The following PITPNM2 variants were observed in gnomAD, a reference collection of about 807,000 sequenced individuals.
The protein encoded by PITPNM2 is membrane-associated phosphatidylinositol transfer protein 2.
PITPNM2 carries 35 observed loss-of-function variants against 132.2 expected under a neutral mutation model. The ratio of observed to expected loss-of-function variants is 0.26; its 90% CI spans 0.20 to 0.35. The LOEUF (loss-of-function observed/expected upper bound fraction) is 0.35, where lower values mean the gene tolerates loss of function less well. Ranked by LOEUF, PITPNM2 falls within the 10% of genes least tolerant of loss-of-function variation. The pLI, the probability that PITPNM2 is intolerant of heterozygous loss-of-function variation, is 1.00. For missense variants in PITPNM2, 1,332 were observed against 1,912.0 expected, an observed-to-expected ratio of 0.70 and a Z score of 5.66; for synonymous variants, 738 against 799.2, an observed-to-expected ratio of 0.92 and a Z score of 1.29.
intron 2 of PITPNM2, among the ~76,000 whole-genome samples, chr12:123,066,355 G>A (rs778771617): frequency 1.3e-4 from 20 of 152,168 alleles, no homozygotes; most frequent in South Asian, 2.1e-4. Flanking sequence ...GTGAGGGGCC[G>A]TCACTGTAGA....
chr12:123,096,389 C>T (rs2042411751), intron 2 of PITPNM2, among the ~76,000 whole-genome samples: 1 of 152,214 alleles, frequency 6.6e-6, no homozygotes. Flanking sequence ...ATTTTATTCA[C>T]GGTGAGTTCC....
At position 123,095,575 on chromosome 12, in the gene PITPNM2, G is replaced by A. The variant is rs965788209; in HGVS notation, c.-96+14810C>T. On this transcript the variant is annotated intron_variant, in intron 2 of 25. Transcript: ENST00000320201. The surrounding 1 kb of genome is among the most constrained non-coding windows in gnomAD (Gnocchi z 5.0). ...GAAGTGTCTTCCAATACACACATCG[G>A]AGTGTGTCACTTCTCTGAGTAAAGG... Among the ~76,000 whole-genome samples the A allele has an allele frequency of 6.6e-6, 1 of 152,092 alleles. No homozygotes were observed. The highest frequency in any genetic ancestry group is 6.5e-5 in the Admixed American group (1 of 15,268).
chr12:123,150,271 C>A lies in PITPNM2; in HGVS notation c.-200+482G>T, dbSNP rs1203923137. Among the ~76,000 whole-genome samples the A allele has an allele frequency of 6.6e-6, 1 of 151,850 alleles. No homozygotes were observed. Among genetic ancestry groups the A allele is most frequent in the East Asian group, 1.9e-4 (1 of 5,136 alleles). On this transcript the variant is annotated intron_variant, in intron 1 of 25. Transcript: ENST00000320201. The surrounding 1 kb of genome is among the most constrained non-coding windows in gnomAD (Gnocchi z 6.0). Reference sequence around the variant, plus strand: ...GATGGAGACGGGCCACACCCCAACCCTGGGCCCCCGACAAGCAGAGGCCAC... The same window carrying A: ...GATGGAGACGGGCCACACCCCAACCATGGGCCCCCGACAAGCAGAGGCCAC...
chr12:123,140,049 C>G (rs1275406581), intron 1 of PITPNM2, among the ~76,000 whole-genome samples: 1 of 152,168 alleles, frequency 6.6e-6, no homozygotes, highest in Non-Finnish European at 1.5e-5. Context: ...GTCCTGGGAG[C>G]TAAATCAAGA....
intron 2 of PITPNM2, among the ~76,000 whole-genome samples, chr12:123,094,778 T>C (rs902807584): frequency 6.6e-6 from 1 of 151,844 alleles, no homozygotes; most frequent in Non-Finnish European, 1.5e-5. Context: ...GAAGGCCAGG[T>C]TCCCATCTAA....
chr12:123,045,039 G>A (rs1026573971), intron 2 of PITPNM2, among the ~76,000 whole-genome samples: 3 of 152,154 alleles, frequency 2.0e-5, no homozygotes, highest in Non-Finnish European at 2.9e-5. Context: ...ATGCATGGAC[G>A]GCTCTGCTCC....
chr12:123,017,984 T>TTCCTTCC (rs2039494518), intron 3 of PITPNM2, among the ~76,000 whole-genome samples: 1 of 90,292 alleles, frequency 1.1e-5, no homozygotes, highest in Admixed American at 1.2e-4. Flanking sequence ...TTCTCTCACT[T>TTCCTTCC]TTCCTTCCTT....
At chr12:123,145,456 C>A (rs2043595352) in intron 1 of PITPNM2, among the ~76,000 whole-genome samples, 1 of 152,140 alleles carries the variant, frequency 6.6e-6, no homozygotes, top group South Asian at 2.1e-4. Flanking sequence ...CGCTGACGTC[C>A]CTGATCATGA....
intron 16 of PITPNM2, among the ~76,000 whole-genome samples, 158 bp from the exon 17 acceptor site, chr12:122,990,867 C>T (rs1333435121): frequency 6.6e-6 from 1 of 152,124 alleles, no homozygotes; most frequent in East Asian, 1.9e-4. Context: ...GAGGAAGGGG[C>T]CCAGAGCTTT....
At chr12:123,003,525 G>C (rs966704662) in intron 8 of PITPNM2, among the ~76,000 whole-genome samples, 2 of 152,188 alleles carry the variant, frequency 1.3e-5, no homozygotes, top group African/African-American at 4.8e-5. Flanking sequence ...TCCAGTCCCA[G>C]GGCCAAACCA....
intron 10 of PITPNM2, among the ~76,000 whole-genome samples, chr12:122,997,809 C>A (rs2038495545): frequency 6.6e-6 from 1 of 152,184 alleles, no homozygotes; most frequent in South Asian, 2.1e-4. Context: ...CCTGTCCACT[C>A]CTCCTCCTGC....
Position 123,061,552 on chromosome 12 carries a change from G to A in PITPNM2, c.-95-26867C>T, listed in dbSNP as rs975462699. ...GGCTTGGGCAGGGTGGATAGGAGGC[G>A]TCCCAGTGGGCAAGAAGCTTCTCAG... On this transcript the variant is annotated intron_variant, in intron 2 of 25. Transcript: ENST00000320201. Among the ~76,000 whole-genome samples, 4 of 152,208 alleles carry A rather than the reference G, an allele frequency of 2.6e-5. No individual in the cohort carries two copies. In the East Asian group the frequency reaches 5.8e-4, roughly 22 times the overall value.
Position 123,055,610 on chromosome 12 carries a change from C to T in PITPNM2, c.-95-20925G>A, listed in dbSNP as rs189391386. 3.3e-5 allele frequency among the ~76,000 whole-genome samples: 5 copies of T among 152,282 alleles called. No individual in the cohort carries two copies. The East Asian group carries it at 5.8e-4, about 18-fold the overall frequency. On this transcript the variant is annotated intron_variant, in intron 2 of 25. Transcript: ENST00000320201. ...TGTGTACACACCGTTCTGCTCTGCA[C>T]GCCTATTTGTAAATTAATCACACAT...
At chr12:123,071,515 C>T (rs757733254) in intron 2 of PITPNM2, among the ~76,000 whole-genome samples, 14 of 152,202 alleles carry the variant, frequency 9.2e-5, no homozygotes, top group Non-Finnish European at 1.6e-4. Context: ...AGGGTACAAA[C>T]GGCTCGATGA....
intron 23 of PITPNM2, 75 bp downstream of exon 23, chr12:122,987,206 C>T: frequency 6.3e-7 from 1 of 1,585,666 alleles, no homozygotes; most frequent in Non-Finnish European, 8.6e-7. Context: ...CGCTGTCCTC[C>T]TCCACCTGGC....
At chr12:122,998,004 G>A (rs902302216) in intron 10 of PITPNM2, among the ~76,000 whole-genome samples, 4 of 152,208 alleles carry the variant, frequency 2.6e-5, no homozygotes, top group African/African-American at 9.6e-5. Flanking sequence ...CCTGCCCTGT[G>A]TGTGTCTGTC....
intron 2 of PITPNM2, among the ~76,000 whole-genome samples, chr12:123,098,143 C>T (rs2042459316): frequency 6.6e-6 from 1 of 152,232 alleles, no homozygotes; most frequent in Admixed American, 6.5e-5. Context: ...TGCCTGGCTT[C>T]TTGCACCTGT....
chr12:123,127,672 T>G (rs962165612), intron 1 of PITPNM2, among the ~76,000 whole-genome samples: 18 of 150,572 alleles, frequency 1.2e-4, no homozygotes, highest in East Asian at 7.9e-4. Flanking sequence ...TGCAGTGGCG[T>G]GATCTCGGCT....
rs369412379 is a variant in PITPNM2, at chr12:123,004,353, C to T, written c.1048+41G>A. ...CCCTTTCAGACCCCTCCCCACCTCG[C>T]CCAGGAAGGCCCCAAGGACTGCAGA... On this transcript the variant is annotated intron_variant, in intron 8 of 25. Transcript: ENST00000320201. This position sits in a 1 kb window ranked among gnomAD's most constrained non-coding sequence, Gnocchi z 4.9. 7 of 1,601,772 alleles carry T rather than the reference C, an allele frequency of 4.4e-6. No individual in the cohort carries two copies. In the African/African-American group the frequency reaches 9.4e-5, roughly 21 times the overall value.
Sources: allele counts gnomAD v4.1 joint callset (sites outside exome capture counted in the v4.1 genomes callset), GRCh38; gene constraint gnomAD v4.1.1; non-coding constraint Gnocchi (gnomAD v3.1); transcripts MANE v1.5; gene names NCBI Gene and HGNC (gene_info 2026-07-23, HGNC 2026-07-21).